The following DCTD variants were observed in gnomAD, a reference collection of about 807,000 sequenced individuals.
DCTD encodes deoxycytidylate deaminase.
A neutral mutation model predicts 21.0 loss-of-function variants in DCTD; 23 were observed. That is an observed-to-expected ratio of 1.09 (90% CI 0.79 to 1.55). The LOEUF is 1.55. Ranked by LOEUF, DCTD falls within the 40% of genes most tolerant of loss-of-function variation. DCTD has a pLI of 0.00. For synonymous variants in DCTD, 71 were observed against 81.1 expected, an observed-to-expected ratio of 0.88 and a Z score of 0.67; for missense variants, 224 against 230.0, an observed-to-expected ratio of 0.97 and a Z score of 0.17.
rs1346082472 is a variant in DCTD at position 182,917,228 on chromosome 4, C to A, written c.-8+83G>T. On this transcript the variant is annotated intron_variant, in intron 1 of 5. Transcript: ENST00000438320. The surrounding 1 kb of genome is among the most constrained non-coding windows in gnomAD (Gnocchi z 4.9). ...GGCCCCCGCCCGGCAGCCAGCGCCC[C>A]GCGCCACGCGCTCGGGACGGTGCCA... The A allele has an allele frequency of 3.0e-6, 3 of 998,632 alleles. No homozygotes were observed. The highest frequency in any genetic ancestry group is 2.4e-6 in the Non-Finnish European group (2 of 839,806). The allele number at this position is 998,632 out of a possible 1,614,324, so 61.9% of individuals were successfully genotyped here. A position where few individuals can be genotyped will look rare whatever the true frequency, so the allele number is the denominator to read the frequency against.
intron 3 of DCTD, among the ~76,000 whole-genome samples, chr4:182,902,442 A>C (rs1330890398): frequency 6.6e-6 from 1 of 152,210 alleles, no homozygotes; most frequent in Non-Finnish European, 1.5e-5. Context: ...AGAAATCAAC[A>C]GATATCACTT....
chr4:182,917,139 C>G lies in DCTD; in HGVS notation c.-8+172G>C, dbSNP rs146503198. ...TGCGGGGACCCCGAGCGCCCCCACC[C>G]CGCCCGCATTCTCCGATCTAAAGGC... On this transcript the variant is annotated intron_variant, in intron 1 of 5. Transcript: ENST00000438320. This position sits in a 1 kb window ranked among gnomAD's most constrained non-coding sequence, Gnocchi z 4.9. The G allele has an allele frequency of 1.0e-6, 1 of 987,754 alleles. No individual in the cohort carries two copies. Among genetic ancestry groups the G allele is most frequent in the African/African-American group, 1.7e-5 (1 of 57,200 alleles). The allele number at this position is 987,754 out of a possible 1,614,324, so 61.2% of individuals were successfully genotyped here.
chr4:182,915,804 G>T (rs1406754678), intron 1 of DCTD: 11 of 1,060,982 alleles, frequency 1.0e-5, no homozygotes, highest in Non-Finnish European at 1.4e-5. Flanking sequence ...ATAGCTTCAC[G>T]TTCCCAAATA....
intron 3 of DCTD, among the ~76,000 whole-genome samples, chr4:182,899,918 T>C (rs1182808652): frequency 6.6e-6 from 1 of 152,222 alleles, no homozygotes; most frequent in Non-Finnish European, 1.5e-5. Flanking sequence ...GATTTTAAAA[T>C]GTTTGCATTA....
At position 182,893,025 on chromosome 4, in the gene DCTD, A is replaced by G. The variant is rs72553968; in HGVS notation, c.458+6T>C. On this transcript the variant is annotated splice_donor_region_variant and intron_variant, in intron 5 of 5. Coordinates refer to ENST00000438320, the MANE Select transcript of DCTD (RefSeq NM_001921.3). Reference sequence around the variant, plus strand: ...CCGTCCCCCCGCCCGCATTCTCCCCACTTACCGGAATGTCACCCCGGCCAT... The same window carrying G: ...CCGTCCCCCCGCCCGCATTCTCCCCGCTTACCGGAATGTCACCCCGGCCAT... The G allele has an allele frequency of 4.9e-3, 7,705 of 1,585,838 alleles. 189 individuals are homozygous for G. The African/African-American group carries it at 0.065, about 13-fold the overall frequency.
Position 182,914,930 on chromosome 4 carries a change from G to C in DCTD, c.237C>G (p.Tyr79Ter), listed in dbSNP as rs1738426671. 1.7e-5 allele frequency: 27 copies of C among 1,614,078 alleles called. No homozygotes were observed. Among genetic ancestry groups the C allele is most frequent in the Non-Finnish European group, 2.2e-5 (26 of 1,180,030 alleles). ...RTAENKLDTK[Y>*]PYVCHAELNA... is the part of the protein sequence containing the mutation. ...ACATAAAACTTGCCCTACCGTACGG[G>C]TATTTGGTGTCCAGCTTATTCTCTG... The change falls in exon 3 of 6, where the codon TAC becomes TAG. Residue 79 changes from tyrosine to a stop codon, truncating the protein, a stop_gained. Coordinates refer to ENST00000438320, the MANE Select transcript of DCTD (RefSeq NM_001921.3). LOFTEE classifies it high-confidence loss of function.
Position 182,891,202 on chromosome 4 carries a change from A to C in DCTD, c.*197T>G. 1.9e-6 allele frequency: 1 copy of C among 532,610 alleles called. No individual in the cohort carries two copies. The highest frequency in any genetic ancestry group is 2.9e-5 in the East Asian group (1 of 34,462). The allele number at this position is 532,610 out of a possible 1,614,324, so 33.0% of individuals were successfully genotyped here. Reference sequence around the variant, plus strand: ...CACAGGCTCCCCTATTTTAAACCCTAAAGCAATAGTTCAAACACATGTAGA... The same window carrying C: ...CACAGGCTCCCCTATTTTAAACCCTCAAGCAATAGTTCAAACACATGTAGA... On this transcript the variant is annotated 3_prime_UTR_variant, in exon 6 of 6. Coordinates refer to ENST00000438320, the MANE Select transcript of DCTD (RefSeq NM_001921.3).
intron 5 of DCTD, among the ~76,000 whole-genome samples, chr4:182,891,759 C>T (rs957051494): frequency 1.3e-5 from 2 of 152,140 alleles, no homozygotes; most frequent in Non-Finnish European, 2.9e-5. Context: ...AAGTCAGCTG[C>T]ACAACATGAT....
At chr4:182,913,402 T>C (rs1193067236) in intron 3 of DCTD, among the ~76,000 whole-genome samples, 1 of 152,240 alleles carries the variant, frequency 6.6e-6, no homozygotes, top group East Asian at 1.9e-4. Flanking sequence ...CAGTTCCTCC[T>C]CTCTCTCCAG....
chr4:182,909,343 C>T (rs567572645), intron 3 of DCTD, among the ~76,000 whole-genome samples: 57 of 152,250 alleles, frequency 3.7e-4, no homozygotes, highest in African/African-American at 1.3e-3. Context: ...AAACCCCACA[C>T]GATCACAGCT....
At chr4:182,907,714 G>C (rs374331546) in intron 3 of DCTD, among the ~76,000 whole-genome samples, 1 of 152,030 alleles carries the variant, frequency 6.6e-6, no homozygotes, top group Admixed American at 6.6e-5. Flanking sequence ...GACCGAGAAC[G>C]CTTTCAGAAC....
intron 3 of DCTD, among the ~76,000 whole-genome samples, chr4:182,907,418 G>A (rs924257523): frequency 2.6e-5 from 4 of 152,134 alleles, no homozygotes; most frequent in African/African-American, 4.8e-5. Context: ...GATTACAGGC[G>A]TGCACTCCAT....
At chr4:182,916,597 C>T (rs897338768) in intron 1 of DCTD, 2 of 994,268 alleles carry the variant, frequency 2.0e-6, no homozygotes, top group Non-Finnish European at 2.4e-6. Context: ...CCACTGATTA[C>T]GCTGCCCCAC....
intron 3 of DCTD, among the ~76,000 whole-genome samples, chr4:182,903,231 G>A (rs1185715313): frequency 6.6e-6 from 1 of 152,132 alleles, no homozygotes; most frequent in Non-Finnish European, 1.5e-5. Flanking sequence ...TGGCTGGCAG[G>A]AACCAGGTCT....
rs1427744471 is a variant in DCTD at position 182,890,374 on chromosome 4, A to T, written c.*1025T>A. 1 of 152,226 alleles carries T rather than the reference A, an allele frequency of 6.6e-6. No homozygotes were observed. Among genetic ancestry groups the T allele is most frequent in the Non-Finnish European group, 1.5e-5 (1 of 68,060 alleles). The allele number at this position is 152,226 out of a possible 1,614,324, so 9.4% of individuals were successfully genotyped here. ...GGAAGGTGATGCTTGTGTAGGTGAAAGCATGGAGCCAGGGCACAGAAGAGC... is the reference window on the plus strand; with the variant it reads ...GGAAGGTGATGCTTGTGTAGGTGAATGCATGGAGCCAGGGCACAGAAGAGC... On this transcript the variant is annotated 3_prime_UTR_variant, in exon 6 of 6. Coordinates refer to ENST00000438320, the MANE Select transcript of DCTD (RefSeq NM_001921.3).
intron 3 of DCTD, among the ~76,000 whole-genome samples, chr4:182,901,965 C>T (rs984242403): frequency 3.9e-5 from 6 of 152,170 alleles, no homozygotes; most frequent in African/African-American, 1.4e-4. Context: ...CCGGCCCCCA[C>T]TGCCCACAGA....
At chr4:182,902,531 GC>G (rs1735921690) in intron 3 of DCTD, among the ~76,000 whole-genome samples, 1 of 152,218 alleles carries the variant, frequency 6.6e-6, no homozygotes, top group African/African-American at 2.4e-5. Flanking sequence ...CCTCCTGCCA[GC>G]CTGCTGGACT....
At chr4:182,907,055 T>C (rs1736843720) in intron 3 of DCTD, among the ~76,000 whole-genome samples, 1 of 152,254 alleles carries the variant, frequency 6.6e-6, no homozygotes, top group African/African-American at 2.4e-5. Context: ...TTCTATTTGG[T>C]CTTAACCTCT....
rs72553965 is a variant in DCTD, at chr4:182,915,603, G to A, written c.-7-28C>T. On this transcript the variant is annotated intron_variant, in intron 1 of 5. Transcript: ENST00000438320. Reference sequence around the variant, plus strand: ...AGAAGAAAAACATGACAAAACAGAAGTTGAGAGAAGCATTTTAGTAAGTCT... The same window carrying A: ...AGAAGAAAAACATGACAAAACAGAAATTGAGAGAAGCATTTTAGTAAGTCT... 9.4e-4 allele frequency: 1,326 copies of A among 1,412,604 alleles called. 14 individuals are homozygous for A. The African/African-American group carries it at 0.016, about 17-fold the overall frequency. 87.5% of individuals were successfully genotyped at this position (1,412,604 alleles called of 1,614,324 possible). A position where few individuals can be genotyped will look rare whatever the true frequency, so the allele number is the denominator to read the frequency against.
Sources: allele counts gnomAD v4.1 joint callset (sites outside exome capture counted in the v4.1 genomes callset), GRCh38; gene constraint gnomAD v4.1.1; non-coding constraint Gnocchi (gnomAD v3.1); transcripts MANE v1.5; gene names NCBI Gene and HGNC (gene_info 2026-07-23, HGNC 2026-07-21).